ANO1: variants seen among roughly 807,000 people sequenced by gnomAD.
The protein encoded by ANO1 is anoctamin-1.
In ANO1, 59 loss-of-function variants were observed where a neutral mutation model predicts 124.0. The observed-to-expected ratio is 0.48, with a 90% CI of 0.39 to 0.59. ANO1 has a LOEUF of 0.59. Among genes scored for constraint, ANO1 ranks in the 20% least tolerant of loss-of-function variants. The pLI is 0.00. For synonymous variants in ANO1, 529 were observed against 532.0 expected, an observed-to-expected ratio of 0.99 and a Z score of 0.08; for missense variants, 1,059 against 1,328.0, an observed-to-expected ratio of 0.80 and a Z score of 3.15.
chr11:70,140,039 C>A (rs2047093641), intron 11 of ANO1, among the ~76,000 whole-genome samples: 1 of 152,164 alleles, frequency 6.6e-6, no homozygotes, highest in East Asian at 1.9e-4. Context: ...CGTGCCAGGC[C>A]CCGGGCTAAG....
chr11:70,143,433 C>T (rs76677675), intron 11 of ANO1, among the ~76,000 whole-genome samples: 2,084 of 152,048 alleles, frequency 0.014, 47 homozygotes, highest in African/African-American at 0.045. Flanking sequence ...TAAGTTGAGG[C>T]GGGGTGGGAT....
chr11:70,188,176 C>A lies in ANO1; in HGVS notation c.*172C>A. The stretch of plus-strand genomic sequence containing the variant: ...TCCTTTCTTCTTTCTGTTTTCTTTC[C>A]CTTGTTTTTGCACAAAGCCATTATG... On this transcript the variant is annotated 3_prime_UTR_variant, in exon 26 of 26. Coordinates refer to ENST00000355303, the MANE Select transcript of ANO1 (RefSeq NM_018043.7). 1.2e-6 allele frequency: 1 copy of A among 820,696 alleles called. No homozygotes were observed. Among genetic ancestry groups the A allele is most frequent in the Admixed American group, 3.0e-5 (1 of 33,846 alleles). 50.8% of individuals were successfully genotyped at this position (820,696 alleles called of 1,614,324 possible). A position where few individuals can be genotyped will look rare whatever the true frequency, so the allele number is the denominator to read the frequency against.
At chr11:70,162,468 G>A (rs2048090716) in intron 18 of ANO1, among the ~76,000 whole-genome samples, 1 of 152,162 alleles carries the variant, frequency 6.6e-6, no homozygotes, top group African/African-American at 2.4e-5. Flanking sequence ...AAGGAGAGAG[G>A]AGGGTGTGGA....
At chr11:70,118,196 TC>T (rs1285184008) in intron 8 of ANO1, among the ~76,000 whole-genome samples, 1 of 150,086 alleles carries the variant, frequency 6.7e-6, no homozygotes, top group Non-Finnish European at 1.5e-5. Context: ...TACCCCCTCT[TC>T]CCCCTCCTCC....
At chr11:70,050,521 C>T (rs1422875320) in intron 1 of ANO1, among the ~76,000 whole-genome samples, 1 of 152,194 alleles carries the variant, frequency 6.6e-6, no homozygotes, top group Non-Finnish European at 1.5e-5. Flanking sequence ...CTGTGCTTTT[C>T]CTTTCCTTGT....
chr11:70,104,073 C>G lies in ANO1; in HGVS notation c.615C>G (p.Ile205Met), dbSNP rs945040244. 9 of 1,612,788 alleles carry G rather than the reference C, an allele frequency of 5.6e-6. No individual in the cohort carries two copies. Among genetic ancestry groups the G allele is most frequent in the African/African-American group, 1.3e-5 (1 of 74,914 alleles). ...TGCTCCAGAAAATCACAGATCCCAT[C>G]CAGCCCAAAGTGGCTGAGCACAGGC... is the stretch of plus-strand genomic sequence containing the variant. The part of the protein sequence containing the change: ...NSVLQKITDP[I>M]QPKVAEHRPQ... The change falls in exon 4 of 26, where the codon ATC becomes ATG. Residue 205 changes from isoleucine to methionine, a missense_variant. Ile to Met is a conservative substitution (Grantham distance 10). Transcript: ENST00000355303.
chr11:70,171,332 A>C lies in ANO1; in HGVS notation c.2350+293A>C, dbSNP rs565097142. Among the ~76,000 whole-genome samples the C allele has an allele frequency of 1.3e-4, 20 of 152,230 alleles. No individual in the cohort carries two copies. In the South Asian group the frequency reaches 3.9e-3, roughly 30 times the overall value. ...AACCTGCTGCTTTAGGAGGTACAAG[A>C]GACTACATTTCCTCTCTGATGGCTG... On this transcript the variant is annotated intron_variant, in intron 22 of 25. Coordinates refer to ENST00000355303, the MANE Select transcript of ANO1 (RefSeq NM_018043.7).
intron 19 of ANO1, among the ~76,000 whole-genome samples, chr11:70,165,041 C>T (rs1264922296): frequency 6.6e-6 from 1 of 152,174 alleles, no homozygotes; most frequent in Non-Finnish European, 1.5e-5. Flanking sequence ...GTCGGAAGTG[C>T]AACATCCAGG....
rs58527931 is a variant in ANO1 at position 70,069,070 on chromosome 11, G to A, written c.59-9472G>A. 0.014 allele frequency among the ~76,000 whole-genome samples: 2,081 copies of A among 152,310 alleles called. 116 individuals are homozygous for A. The East Asian group carries it at 0.21, about 16-fold the overall frequency. On this transcript the variant is annotated intron_variant, in intron 1 of 27. Transcript: ENST00000531349. ...CCTCCACAGGGTCCCCCTGCCTTGT[G>A]AAACAAGCCATATGAATCCACTCAC...
At position 70,051,674 on chromosome 11, in the gene ANO1, G is replaced by A. The variant is rs146433163; in HGVS notation, c.59-26868G>A. On this transcript the variant is annotated intron_variant, in intron 1 of 27. Transcript: ENST00000531349. ...AATGCTGGTGGTCACCAAATCATAG[G>A]CATATGGATCATGTGAAGAGCCTCT... 7.6e-4 allele frequency among the ~76,000 whole-genome samples: 116 copies of A among 152,312 alleles called. No homozygotes were observed. In the Middle Eastern group the frequency reaches 0.01, roughly 13 times the overall value.
chr11:69,982,076 C>A (rs532045939), upstream of ANO1, among the ~76,000 whole-genome samples: 38 of 152,242 alleles, frequency 2.5e-4, no homozygotes, highest in African/African-American at 8.7e-4. Flanking sequence ...CTGTACTCTG[C>A]GGGAATGGGA....
rs2046905935 is a variant in ANO1 at position 70,135,098 on chromosome 11, C to T, written c.1258+3019C>T. Reference sequence around the variant, plus strand: ...GGGGTGACACAGTGGGGGCCCAGCTCCAGGAAGGGCACCTATGGGAAGGTG... The same window carrying T: ...GGGGTGACACAGTGGGGGCCCAGCTTCAGGAAGGGCACCTATGGGAAGGTG... On this transcript the variant is annotated intron_variant, in intron 11 of 25. Transcript: ENST00000355303. 3.3e-5 allele frequency among the ~76,000 whole-genome samples: 5 copies of T among 152,226 alleles called. No individual in the cohort carries two copies. The South Asian group carries it at 1.0e-3, about 32-fold the overall frequency.
intron 1 of ANO1, chr11:70,065,293 G>A (rs1187361518): frequency 6.6e-6 from 1 of 152,246 alleles, no homozygotes; most frequent in Non-Finnish European, 1.5e-5. Flanking sequence ...ACAGCGGTTG[G>A]GGTCTCCTGG....
At position 70,175,039 on chromosome 11, in the gene ANO1, C is replaced by T. The variant is rs911909559; in HGVS notation, c.2350+4000C>T. The stretch of plus-strand genomic sequence containing the variant: ...GCCCGCCACCTGCCACATCACAGTG[C>T]GCGTGTGTTTGCTCTGGCACCCTCT... On this transcript the variant is annotated intron_variant, in intron 22 of 25. Coordinates refer to ENST00000355303, the MANE Select transcript of ANO1 (RefSeq NM_018043.7). Among the ~76,000 whole-genome samples, 6 of 152,098 alleles carry T rather than the reference C, an allele frequency of 3.9e-5. No homozygotes were observed. The South Asian group carries it at 1.0e-3, about 26-fold the overall frequency.
chr11:69,973,499 C>T, the ANO1 span, among the ~76,000 whole-genome samples: 3 of 152,146 alleles, frequency 2.0e-5, no homozygotes, highest in East Asian at 3.9e-4. Flanking sequence ...CCTCCTGTCT[C>T]GGGCTCTAGG....
At chr11:69,980,850 G>A in the ANO1 span, among the ~76,000 whole-genome samples, 2 of 152,078 alleles carry the variant, frequency 1.3e-5, no homozygotes, top group African/African-American at 2.4e-5. Context: ...TCAAGAGATC[G>A]AGACCATCCT....
upstream of ANO1, chr11:70,078,235 G>C (rs2135160964): frequency 6.5e-6 from 1 of 153,472 alleles, no homozygotes; most frequent in South Asian, 2.1e-4. Context: ...AATTTCTACG[G>C]AAAATCTGAC....
intron 1 of ANO1, among the ~76,000 whole-genome samples, chr11:70,084,836 C>G (rs2044311758): frequency 6.6e-6 from 1 of 152,200 alleles, no homozygotes; most frequent in Non-Finnish European, 1.5e-5. Context: ...CCCTCAGCAC[C>G]AGAGACAGAG....
intron 2 of ANO1, among the ~76,000 whole-genome samples, chr11:70,090,902 A>C (rs2044601074): frequency 6.6e-6 from 1 of 152,224 alleles, no homozygotes; most frequent in African/African-American, 2.4e-5. Context: ...AAAGGGCTGA[A>C]GTTGAGATGT....
Sources: allele counts gnomAD v4.1 joint callset (sites outside exome capture counted in the v4.1 genomes callset), GRCh38; gene constraint gnomAD v4.1.1; transcripts MANE v1.5; gene names NCBI Gene and HGNC (gene_info 2026-07-23, HGNC 2026-07-21).